The following REL variants were observed in gnomAD, a reference collection of about 807,000 sequenced individuals.
The protein encoded by REL is REL proto-oncogene, NF-kB subunit.
Under a neutral mutation model 45.9 loss-of-function variants are expected in REL, and 15 were observed. The ratio of observed to expected loss-of-function variants is 0.33; its 90% CI spans 0.22 to 0.50. The LOEUF is 0.50. REL is among the 20% of genes least tolerant of loss of function. The pLI, the probability that REL is intolerant of heterozygous loss-of-function variation, is 0.98. For synonymous variants in REL, 239 were observed against 242.1 expected, an observed-to-expected ratio of 0.99 and a Z score of 0.12; for missense variants, 601 against 715.2, an observed-to-expected ratio of 0.84 and a Z score of 1.82.
chr2:60,905,033 G>A (rs998924634), intron 4 of REL, among the ~76,000 whole-genome samples: 5 of 152,146 alleles, frequency 3.3e-5, no homozygotes, highest in Non-Finnish European at 5.9e-5. Context: ...TTGATTTGGG[G>A]AAGGAACAAT....
intron 1 of REL, among the ~76,000 whole-genome samples, chr2:60,887,266 AATGAGT>A (rs1206893504): frequency 6.6e-6 from 1 of 152,164 alleles, no homozygotes; most frequent in African/African-American, 2.4e-5. Flanking sequence ...TCAAAATAGG[AATGAGT>A]ATGAGGAAAT....
rs773591751 is a variant in REL, at chr2:60,918,369, T to A, written c.641-25T>A. On this transcript the variant is annotated intron_variant, in intron 6 of 9. Transcript: ENST00000394479. ...GCAGTTACTTTGTTTTCCCATTTTT[T>A]TTTTTTTGGTTTCTTATTGACTAGA... The A allele has an allele frequency of 1.6e-5, 26 of 1,591,732 alleles. No homozygotes were observed. In the South Asian group the frequency reaches 2.5e-4, roughly 16 times the overall value.
In REL at chr2:60,922,076, T is replaced by C. The variant is rs113097160; in HGVS notation, c.1305T>C (p.Asp435=). 2.9e-4 allele frequency: 465 copies of C among 1,614,208 alleles called. 4 individuals carry two copies. The African/African-American group carries it at 5.4e-3, about 19-fold the overall frequency. The part of the protein sequence containing the change: ...ASNACIYNNA[D]DIVGMEASSM... The stretch of plus-strand genomic sequence containing the variant: ...ATGCTTGCATTTACAACAATGCCGA[T>C]GACATAGTCGGAATGGAAGCGTCAT... Residue 435 remains aspartate, a synonymous_variant, in exon 10 of 10, where the codon GAT becomes GAC. Coordinates refer to ENST00000394479, the MANE Select transcript of REL (RefSeq NM_001291746.2).
intron 1 of REL, among the ~76,000 whole-genome samples, chr2:60,883,982 G>T (rs1465324394): frequency 1.3e-5 from 2 of 149,188 alleles, no homozygotes; most frequent in Admixed American, 6.8e-5. Context: ...ATGTTTACAG[G>T]AATCTGTGTA....
At position 60,891,759 on chromosome 2, in the gene REL, G is replaced by C; in HGVS notation, c.87G>C (p.Gly29=). The C allele has an allele frequency of 6.2e-7, 1 of 1,614,018 alleles. No individual in the cohort carries two copies. ...TGCGTTTTAGATACAAATGTGAAGGGCGATCAGCAGGCAGCATTCCAGGGG... is the reference window on the plus strand; with the variant it reads ...TGCGTTTTAGATACAAATGTGAAGGCCGATCAGCAGGCAGCATTCCAGGGG... ...RGMRFRYKCE[G]RSAGSIPGEH... The change falls in exon 2 of 10, where the codon GGG becomes GGC. Residue 29 remains glycine, a synonymous_variant. Transcript: ENST00000394479.
intron 4 of REL, among the ~76,000 whole-genome samples, chr2:60,906,911 ATATT>A (rs1279479928): frequency 9.2e-6 from 1 of 108,978 alleles, no homozygotes; most frequent in African/African-American, 3.9e-5. Flanking sequence ...ATATATATAT[ATATT>A]TTTTTTTTTT....
intron 3 of REL, chr2:60,900,315 C>G (rs1204431022): frequency 6.6e-6 from 1 of 152,364 alleles, no homozygotes; most frequent in Non-Finnish European, 1.5e-5. Flanking sequence ...CATCTCTTTA[C>G]AGCTTTTGCT....
chr2:60,920,690 C>G (rs1674117601), intron 9 of REL, 48 bp downstream of exon 9: 1 of 1,138,202 alleles, frequency 8.8e-7, no homozygotes, highest in Non-Finnish European at 1.3e-6. Flanking sequence ...AAGACCAGTA[C>G]TTTGCACAAT....
At chr2:60,920,961 C>T (rs1216055176) in intron 9 of REL, among the ~76,000 whole-genome samples, 1 of 151,322 alleles carries the variant, frequency 6.6e-6, no homozygotes, top group South Asian at 2.1e-4. Flanking sequence ...TACTGGAACA[C>T]GGCCATGAAT....
chr2:60,898,503 G>A (rs111627944), intron 3 of REL, among the ~76,000 whole-genome samples: 1,997 of 152,238 alleles, frequency 0.013, 49 homozygotes, highest in African/African-American at 0.046. Flanking sequence ...TTCCAGCATA[G>A]GCTCCCATAA....
chr2:60,881,583 T>A lies in REL; in HGVS notation c.-258T>A. Reference sequence around the variant, plus strand: ...TCTCGGCTGGGCCAGCACTCGGCTCTCCCCGCTCCGCCCCCTGCCCCTGGC... The same window carrying A: ...TCTCGGCTGGGCCAGCACTCGGCTCACCCCGCTCCGCCCCCTGCCCCTGGC... On this transcript the variant is annotated 5_prime_UTR_variant, in exon 1 of 10. Transcript: ENST00000394479. 1 of 489,664 alleles carries A rather than the reference T, an allele frequency of 2.0e-6. No individual in the cohort carries two copies. The highest frequency in any genetic ancestry group is 3.6e-6 in the Non-Finnish European group (1 of 275,192). 30.3% of individuals were successfully genotyped at this position (489,664 alleles called of 1,614,324 possible).
chr2:60,889,120 GAA>G (rs75616056), intron 1 of REL, among the ~76,000 whole-genome samples: 15,602 of 152,194 alleles, frequency 0.1, 961 homozygotes, highest in African/African-American at 0.16. Flanking sequence ...TTTTAAGAGA[GAA>G]AGTGTGTTCC....
chr2:60,887,585 A>G lies in REL; in HGVS notation c.11-4098A>G, dbSNP rs1241281280. Among the ~76,000 whole-genome samples the G allele has an allele frequency of 2.0e-5, 3 of 151,478 alleles. No individual in the cohort carries two copies. In the East Asian group the frequency reaches 6.0e-4, roughly 30 times the overall value. On this transcript the variant is annotated intron_variant, in intron 1 of 9. Transcript: ENST00000394479. ...TTTTCCCTAAATTACAGTTATTTGG[A>G]ATAATTGCTATACACAGAATACTAT...
intron 1 of REL, among the ~76,000 whole-genome samples, chr2:60,883,344 A>T (rs547886218): frequency 6.6e-6 from 1 of 152,310 alleles, no homozygotes; most frequent in East Asian, 1.9e-4. Context: ...GTTTCACATG[A>T]CATTTGATTT....
At chr2:60,913,481 T>C (rs1251788118) in intron 4 of REL, among the ~76,000 whole-genome samples, 1 of 152,168 alleles carries the variant, frequency 6.6e-6, no homozygotes, top group East Asian at 1.9e-4. Context: ...TGGGCTTTCA[T>C]CCCTGAAATC....
At chr2:60,885,949 G>T (rs970709550) in intron 1 of REL, among the ~76,000 whole-genome samples, 4 of 152,128 alleles carry the variant, frequency 2.6e-5, no homozygotes, top group Non-Finnish European at 4.4e-5. Context: ...TTTCTTGCTT[G>T]CATTTGAATA....
At chr2:60,887,441 T>C (rs1230088020) in intron 1 of REL, among the ~76,000 whole-genome samples, 1 of 152,058 alleles carries the variant, frequency 6.6e-6, no homozygotes, top group Admixed American at 6.5e-5. Context: ...ATTCATTCAA[T>C]AGATGTTTAA....
chr2:60,913,678 TATTCAG>T (rs1673881326), intron 4 of REL, among the ~76,000 whole-genome samples: 1 of 152,238 alleles, frequency 6.6e-6, no homozygotes, highest in Non-Finnish European at 1.5e-5. Context: ...TGTCAGGCTA[TATTCAG>T]ATAAAAGTGG....
chr2:60,882,293 T>C (rs562928213), intron 1 of REL, among the ~76,000 whole-genome samples: 1 of 152,340 alleles, frequency 6.6e-6, no homozygotes. Flanking sequence ...CTGACAGTTG[T>C]ACAAAATGTG....
Sources: allele counts gnomAD v4.1 joint callset (sites outside exome capture counted in the v4.1 genomes callset), GRCh38; gene constraint gnomAD v4.1.1; transcripts MANE v1.5; gene names NCBI Gene and HGNC (gene_info 2026-07-23, HGNC 2026-07-21).